Variants in RFX4 observed in about 807,000 individuals in gnomAD.
RFX4 encodes the protein regulatory factor X4.
In RFX4, 10 loss-of-function variants were observed where a neutral mutation model predicts 95.0. The ratio of observed to expected loss-of-function variants is 0.11; its 90% CI spans 0.06 to 0.18. The LOEUF is 0.18. Among genes scored for constraint, RFX4 ranks in the 10% least tolerant of loss-of-function variants. RFX4 has a pLI of 1.00. For synonymous variants in RFX4, 321 were observed against 340.7 expected (o/e 0.94, Z 0.64); for missense variants, 640 against 922.0 (o/e 0.69, Z 3.96).
intron 4 of RFX4, among the ~76,000 whole-genome samples, chr12:106,664,382 A>C (rs1274486913): frequency 6.6e-6 from 1 of 151,760 alleles, no homozygotes; most frequent in Non-Finnish European, 1.5e-5. Flanking sequence ...TATAATGTCT[A>C]TAAGATCTGT....
At chr12:106,723,572 A>T (rs868555753) in intron 13 of RFX4, among the ~76,000 whole-genome samples, 1 of 152,132 alleles carries the variant, frequency 6.6e-6, no homozygotes, top group African/African-American at 2.4e-5. Flanking sequence ...CCACAGTTTC[A>T]CTTTTTTACA....
intron 4 of RFX4, among the ~76,000 whole-genome samples, chr12:106,669,389 C>T (rs2041238170): frequency 6.6e-6 from 1 of 152,132 alleles, no homozygotes; most frequent in Non-Finnish European, 1.5e-5. Context: ...GGGTAATTGG[C>T]AGTTTGGGTT....
At chr12:106,750,861 T>C in intron 17 of RFX4, 68 bp downstream of exon 17, 1 of 1,405,504 alleles carries the variant, frequency 7.1e-7, no homozygotes, top group Non-Finnish European at 9.3e-7. Context: ...GTTAACACAG[T>C]TCATAAACTG....
At chr12:106,583,414 G>T (rs939019314) in intron 1 of RFX4, 51 bp downstream of exon 1, 2 of 1,497,056 alleles carry the variant, frequency 1.3e-6, no homozygotes, top group East Asian at 5.0e-5. Flanking sequence ...GAAGGAGAAG[G>T]GAGAGGGGGA....
chr12:106,672,245 G>A (rs796456636), intron 4 of RFX4, among the ~76,000 whole-genome samples: 38 of 152,238 alleles, frequency 2.5e-4, no homozygotes, highest in African/African-American at 8.7e-4. Flanking sequence ...GAACGGACAG[G>A]GGAGATGAGT....
chr12:106,714,836 T>C (rs1391985600), intron 10 of RFX4: 1 of 152,296 alleles, frequency 6.6e-6, no homozygotes, highest in Non-Finnish European at 1.5e-5. Flanking sequence ...TCCAACCTAA[T>C]TATTCATGTA....
At chr12:106,621,819 T>C (rs1247179683) in intron 2 of RFX4, among the ~76,000 whole-genome samples, 1 of 151,862 alleles carries the variant, frequency 6.6e-6, no homozygotes, top group African/African-American at 2.4e-5. Flanking sequence ...GAAAGATCTT[T>C]GGAAAGATCT....
At chr12:106,654,486 A>C in intron 4 of RFX4, 135 bp downstream of exon 4, 1 of 981,004 alleles carries the variant, frequency 1.0e-6, no homozygotes, top group Non-Finnish European at 1.4e-6. Flanking sequence ...GACAACTTCA[A>C]CTTCACTGTA....
At chr12:106,683,059 A>G (rs1425963512) in intron 5 of RFX4, 1 of 152,212 alleles carries the variant, frequency 6.6e-6, no homozygotes, top group Non-Finnish European at 1.5e-5. Context: ...ATTTCTAAGC[A>G]TTTTGACCAC....
chr12:106,674,606 A>C (rs1350645603), intron 4 of RFX4, among the ~76,000 whole-genome samples: 1 of 152,084 alleles, frequency 6.6e-6, no homozygotes, highest in African/African-American at 2.4e-5. Flanking sequence ...TTGGGATTAT[A>C]GGCATGAACC....
chr12:106,643,433 A>C (rs1165904605), intron 3 of RFX4, among the ~76,000 whole-genome samples: 1 of 152,212 alleles, frequency 6.6e-6, no homozygotes, highest in Non-Finnish European at 1.5e-5. Flanking sequence ...AGAAAGTAGG[A>C]CATTAAACTT....
chr12:106,664,618 C>T (rs7485709), intron 4 of RFX4, among the ~76,000 whole-genome samples: 3,718 of 151,640 alleles, frequency 0.025, 73 homozygotes, highest in South Asian at 0.054. Flanking sequence ...CTTCTTTTTC[C>T]AGTTTCCTAA....
At chr12:106,628,629 A>G (rs1009694366) in intron 2 of RFX4, among the ~76,000 whole-genome samples, 1 of 152,130 alleles carries the variant, frequency 6.6e-6, no homozygotes, top group African/African-American at 2.4e-5. Context: ...AAAGGTACTC[A>G]TTGAGAAGTC....
At chr12:106,592,456 T>G (rs1047210612) in intron 1 of RFX4, among the ~76,000 whole-genome samples, 1 of 152,222 alleles carries the variant, frequency 6.6e-6, no homozygotes, top group African/African-American at 2.4e-5. Flanking sequence ...AGGCAACACC[T>G]GTGGGCTTGA....
chr12:106,596,352 C>G (rs1009725424), intron 1 of RFX4, among the ~76,000 whole-genome samples: 3 of 152,220 alleles, frequency 2.0e-5, no homozygotes, highest in African/African-American at 7.2e-5. Flanking sequence ...CCTTGCCTTC[C>G]ACCATGATTG....
At chr12:106,616,712 TA>T (rs1258070172) in intron 2 of RFX4, among the ~76,000 whole-genome samples, 1 of 152,310 alleles carries the variant, frequency 6.6e-6, no homozygotes, top group Non-Finnish European at 1.5e-5. Context: ...CTGTTTCATC[TA>T]AATTTTCAAG....
intron 7 of RFX4, among the ~76,000 whole-genome samples, chr12:106,692,510 A>T (rs1399018810): frequency 6.6e-6 from 1 of 152,200 alleles, no homozygotes; most frequent in Non-Finnish European, 1.5e-5. Context: ...AGGTGTTTCC[A>T]CAAGGTGCCA....
chr12:106,677,024 A>T (rs141150969), intron 4 of RFX4, among the ~76,000 whole-genome samples: 1 of 152,262 alleles, frequency 6.6e-6, no homozygotes, highest in Non-Finnish European at 1.5e-5. Context: ...TAGCCTCTCT[A>T]AACCTCACTT....
rs140443724 is a variant in RFX4 at position 106,688,143 on chromosome 12, C to T, written c.591+1046C>T. ...AGAGTGCAGTGGCGCAATCTCAGCT[C>T]ACTGCAACCTCCGCCTCCCAGGTTC... On this transcript the variant is annotated intron_variant, in intron 6 of 17. Transcript: ENST00000392842. Among the ~76,000 whole-genome samples the T allele has an allele frequency of 3.7e-3, 535 of 146,028 alleles. 3 individuals carry two copies. Among genetic ancestry groups the T allele is most frequent in the African/African-American group, 0.013 (503 of 39,346 alleles).
Sources: gnomAD v4.1 joint callset for allele counts (sites outside exome capture counted in the v4.1 genomes callset) on GRCh38, gnomAD v4.1.1 for gene constraint, MANE v1.5 for transcripts, NCBI Gene and HGNC (gene_info 2026-07-23, HGNC 2026-07-21) for gene names.